The following CTDSPL2 variants were observed in gnomAD, a reference collection of about 807,000 sequenced individuals.
The protein encoded by CTDSPL2 is CTD small phosphatase-like protein 2.
A neutral mutation model predicts 60.0 loss-of-function variants in CTDSPL2; 5 were observed. The ratio of observed to expected loss-of-function variants is 0.08; its 90% CI spans 0.04 to 0.18. The LOEUF is 0.18. Among genes scored for constraint, CTDSPL2 ranks in the 10% least tolerant of loss-of-function variants. The pLI is 1.00. For synonymous variants in CTDSPL2, 186 were observed against 189.3 expected, an observed-to-expected ratio of 0.98 and a Z score of 0.14; for missense variants, 370 against 548.8, an observed-to-expected ratio of 0.67 and a Z score of 3.26.
At chr15:44,461,857 G>A (rs956893949) in intron 2 of CTDSPL2, among the ~76,000 whole-genome samples, 3 of 152,172 alleles carry the variant, frequency 2.0e-5, no homozygotes, top group Non-Finnish European at 4.4e-5. Flanking sequence ...AAGAGGAGGG[G>A]TTGGTCTTTC....
chr15:44,482,452 G>A lies in CTDSPL2; in HGVS notation c.187-1772G>A, dbSNP rs529715313. On this transcript the variant is annotated intron_variant, in intron 2 of 12. Coordinates refer to ENST00000260327, the MANE Select transcript of CTDSPL2 (RefSeq NM_016396.3). ...GAATGCAAGGTTTTCATGAATGTAT[G>A]TATGTATGTTATAGCAGCTGTACTA... 2.1e-4 allele frequency among the ~76,000 whole-genome samples: 32 copies of A among 152,346 alleles called. No individual in the cohort carries two copies. In the South Asian group the frequency reaches 5.8e-3, roughly 28 times the overall value.
At chr15:44,488,012 A>G (rs2081150601) in intron 4 of CTDSPL2, among the ~76,000 whole-genome samples, 1 of 151,768 alleles carries the variant, frequency 6.6e-6, no homozygotes, top group Non-Finnish European at 1.5e-5. Flanking sequence ...CAGCTACTCA[A>G]GGCAGGAGAA....
At chr15:44,495,548 CAAA>C (rs756447042) in intron 5 of CTDSPL2, among the ~76,000 whole-genome samples, 6 of 99,600 alleles carry the variant, frequency 6.0e-5, no homozygotes, top group Non-Finnish European at 4.3e-5. Flanking sequence ...GACTCCGCCT[CAAA>C]AAAAAAAAAA....
At chr15:44,476,275 C>T (rs1341858921) in intron 2 of CTDSPL2, among the ~76,000 whole-genome samples, 1 of 152,008 alleles carries the variant, frequency 6.6e-6, no homozygotes, top group Admixed American at 6.6e-5. Flanking sequence ...TCACTGTTAG[C>T]CAGGATGGTC....
At chr15:44,452,097 A>G (rs1357474436) in intron 1 of CTDSPL2, among the ~76,000 whole-genome samples, 1 of 152,208 alleles carries the variant, frequency 6.6e-6, no homozygotes, top group Non-Finnish European at 1.5e-5. Context: ...CAAATCAGTG[A>G]TCAAATAAAT....
At chr15:44,436,820 A>G (rs1403857597) in intron 1 of CTDSPL2, among the ~76,000 whole-genome samples, 1 of 151,988 alleles carries the variant, frequency 6.6e-6, no homozygotes, top group East Asian at 1.9e-4. Context: ...TGTGTTATCT[A>G]CTCTTGTTTC....
chr15:44,514,520 A>G, intron 8 of CTDSPL2, 78 bp from the exon 9 acceptor site: 1 of 848,236 alleles, frequency 1.2e-6, no homozygotes, highest in Non-Finnish European at 2.0e-6. Context: ...AATCAAAGTT[A>G]GAATACAGCA....
chr15:44,432,495 T>A (rs1052336515), intron 1 of CTDSPL2, among the ~76,000 whole-genome samples: 3 of 151,932 alleles, frequency 2.0e-5, no homozygotes, highest in Admixed American at 2.0e-4. Flanking sequence ...AATTTTTGTA[T>A]TTTTTTAGTA....
intron 2 of CTDSPL2, among the ~76,000 whole-genome samples, chr15:44,475,768 T>G (rs907922380): frequency 6.6e-6 from 1 of 152,234 alleles, no homozygotes; most frequent in Non-Finnish European, 1.5e-5. Flanking sequence ...AAACTCATTC[T>G]CAAATGACAG....
At chr15:44,444,409 A>G (rs1330738841) in intron 1 of CTDSPL2, among the ~76,000 whole-genome samples, 3 of 150,726 alleles carry the variant, frequency 2.0e-5, no homozygotes, top group Non-Finnish European at 3.0e-5. Flanking sequence ...CAGTGGTGCA[A>G]TCTCAGCTCA....
intron 1 of CTDSPL2, among the ~76,000 whole-genome samples, chr15:44,430,828 T>G (rs1029790106): frequency 2.6e-5 from 4 of 152,056 alleles, no homozygotes; most frequent in South Asian, 2.1e-4. Context: ...TACTTTTTTT[T>G]TTGTTTTTTT....
At chr15:44,473,142 T>C (rs1567079814) in intron 2 of CTDSPL2, among the ~76,000 whole-genome samples, 1 of 152,090 alleles carries the variant, frequency 6.6e-6, no homozygotes, top group Non-Finnish European at 1.5e-5. Context: ...TTCAGAGATA[T>C]GCAAATATTT....
intron 2 of CTDSPL2, among the ~76,000 whole-genome samples, chr15:44,477,980 A>G (rs903661855): frequency 1.3e-5 from 2 of 152,164 alleles, no homozygotes; most frequent in Non-Finnish European, 2.9e-5. Context: ...TGTGTTTCTC[A>G]CCAATTTTCT....
At chr15:44,509,477 G>A (rs1444498831) in intron 8 of CTDSPL2, among the ~76,000 whole-genome samples, 4 of 152,140 alleles carry the variant, frequency 2.6e-5, no homozygotes, top group African/African-American at 9.7e-5. Flanking sequence ...AAAGTGCTGG[G>A]ATTACAGGCG....
At chr15:44,448,767 A>G (rs1298476746) in intron 1 of CTDSPL2, 3 of 353,260 alleles carry the variant, frequency 8.5e-6, no homozygotes, top group East Asian at 9.4e-5. Context: ...ACCCTGTTCC[A>G]ATACCACCAA....
At chr15:44,515,211 G>T (rs918592173) in intron 10 of CTDSPL2, among the ~76,000 whole-genome samples, 2 of 152,106 alleles carry the variant, frequency 1.3e-5, no homozygotes, top group Non-Finnish European at 2.9e-5. Context: ...ATGGCATAGA[G>T]AAATAAAAAT....
At chr15:44,474,542 A>G (rs1000936229) in intron 2 of CTDSPL2, among the ~76,000 whole-genome samples, 3 of 152,018 alleles carry the variant, frequency 2.0e-5, no homozygotes, top group African/African-American at 7.2e-5. Context: ...GGCTCTCCCA[A>G]CTTGCTAAAC....
At chr15:44,508,598 A>G (rs1329063109) in intron 8 of CTDSPL2, among the ~76,000 whole-genome samples, 1 of 152,188 alleles carries the variant, frequency 6.6e-6, no homozygotes, top group Non-Finnish European at 1.5e-5. Context: ...GAAGGATGTC[A>G]TGGAAAAAGT....
At chr15:44,484,456 C>T (rs1034710811) in intron 3 of CTDSPL2, 94 bp downstream of exon 3, 17 of 1,203,412 alleles carry the variant, frequency 1.4e-5, no homozygotes, top group Middle Eastern at 2.4e-4. Flanking sequence ...ACTTTGAGGC[C>T]GGGTGCAGTG....
Sources: gnomAD v4.1 joint callset for allele counts (sites outside exome capture counted in the v4.1 genomes callset) on GRCh38, gnomAD v4.1.1 for gene constraint, MANE v1.5 for transcripts, NCBI Gene and HGNC (gene_info 2026-07-23, HGNC 2026-07-21) for gene names.